The following ARFGAP1 variants were observed in gnomAD, a reference collection of about 807,000 sequenced individuals.
The protein encoded by ARFGAP1 is ADP-ribosylation factor GTPase-activating protein 1.
A neutral mutation model predicts 54.0 loss-of-function variants in ARFGAP1; 26 were observed. The observed-to-expected ratio is 0.48, with a 90% CI of 0.35 to 0.67. The LOEUF is 0.67. Among genes scored for constraint, ARFGAP1 ranks in the 30% least tolerant of loss-of-function variants. The pLI is 0.00. For missense variants in ARFGAP1, 525 were observed against 535.8 expected (o/e 0.98, Z 0.20); for synonymous variants, 248 against 211.9 (o/e 1.17, Z -1.48).
intron 11 of ARFGAP1, chr20:63,286,073 G>A (rs78818145): frequency 0.067 from 103,883 of 1,549,746 alleles, 3,937 homozygotes; most frequent in Middle Eastern, 0.078. Flanking sequence ...GGCGCTCTGC[G>A]GACAGACGGG....
chr20:63,285,444 C>T (rs1011504367), intron 10 of ARFGAP1: 20 of 608,206 alleles, frequency 3.3e-5, no homozygotes, highest in South Asian at 2.0e-4. Context: ...GCAGGGGCCA[C>T]GTTTGCAGAC....
At chr20:63,274,110 T>TC (rs1437465355) in intron 1 of ARFGAP1, 2 of 152,138 alleles carry the variant, frequency 1.3e-5, no homozygotes, top group East Asian at 3.8e-4. Flanking sequence ...TGCCTCATGA[T>TC]CTGTGGTTCC....
At position 63,287,938 on chromosome 20, in the gene ARFGAP1, TTCC is replaced by T. The variant is rs1325482080; in HGVS notation, c.*73_*75del. The stretch of plus-strand genomic sequence containing the variant: ...TCGTGTTTGCACTCTGCCCTCGTCG[TTCC>T]TCCTCCTTCCATTTGACCCAAGAAT... On this transcript the variant is annotated 3_prime_UTR_variant, in exon 13 of 13. Transcript: ENST00000370283. 7.0e-5 allele frequency: 100 copies of T among 1,419,794 alleles called. No individual in the cohort carries two copies. The Admixed American group carries it at 9.6e-4, about 14-fold the overall frequency. The allele number at this position is 1,419,794 out of a possible 1,614,324, so 87.9% of individuals were successfully genotyped here.
At position 63,287,586 on chromosome 20, in the gene ARFGAP1, C is replaced by T; in HGVS notation, c.934C>T (p.Gln312Ter). 1 of 1,595,460 alleles carries T rather than the reference C, an allele frequency of 6.3e-7. No individual in the cohort carries two copies. The highest frequency in any genetic ancestry group is 8.6e-7 in the Non-Finnish European group (1 of 1,167,266). ...LDSPSEGHSYQNSGLDHFQNS... is the reference protein window; with the variant it reads ...LDSPSEGHSY ...AAGCCCCTCGGAGGGCCACAGTTAT[C>T]AGAACAGCGGTCTGGACCACTTCCA... is the stretch of plus-strand genomic sequence containing the variant. The change falls in exon 13 of 13, where the codon CAG becomes TAG. Residue 312 changes from glutamine (Q) to a stop codon, truncating the protein, a stop_gained. Coordinates refer to ENST00000370283, the MANE Select transcript of ARFGAP1 (RefSeq NM_018209.4). LOFTEE classifies it low-confidence loss of function (END_TRUNC).
At chr20:63,282,122 C>T (rs1196653513) in intron 8 of ARFGAP1, among the ~76,000 whole-genome samples, 1 of 151,926 alleles carries the variant, frequency 6.6e-6, no homozygotes, top group Non-Finnish European at 1.5e-5. Flanking sequence ...CTGTCACATG[C>T]CCCTGTGGTC....
At chr20:63,279,066 G>C in intron 7 of ARFGAP1, 71 bp downstream of exon 7, 1 of 1,419,384 alleles carries the variant, frequency 7.0e-7, no homozygotes, top group Non-Finnish European at 9.9e-7. Flanking sequence ...GGCCATAGTG[G>C]GCAGTGTGGC....
At chr20:63,285,606 C>T (rs1007669738) in intron 10 of ARFGAP1, 48 bp from the exon 11 acceptor site, 3 of 1,592,072 alleles carry the variant, frequency 1.9e-6, no homozygotes, top group Non-Finnish European at 2.6e-6. Flanking sequence ...AAGCTTTAAG[C>T]TTTCATCTCT....
At position 63,288,963 on chromosome 20, in the gene ARFGAP1, C is replaced by T. The variant is rs1252361627; in HGVS notation, c.*1090C>T. ...CCTTGGCCATGCTCCCTGGTCACCC[C>T]ACTTCCCGGTCGCCGTCTGCAGCAC... On this transcript the variant is annotated 3_prime_UTR_variant, in exon 13 of 13. Transcript: ENST00000370283. 4 of 196,280 alleles carry T rather than the reference C, an allele frequency of 2.0e-5. No homozygotes were observed. Among genetic ancestry groups the T allele is most frequent in the African/African-American group, 9.1e-5 (4 of 43,930 alleles). The allele number at this position is 196,280 out of a possible 1,614,324, so 12.2% of individuals were successfully genotyped here. A position where few individuals can be genotyped will look rare whatever the true frequency, so the allele number is the denominator to read the frequency against.
chr20:63,284,643 A>G (rs998216795), intron 9 of ARFGAP1: 11 of 1,390,076 alleles, frequency 7.9e-6, no homozygotes, highest in Non-Finnish European at 1.0e-5. Flanking sequence ...ACCTTCCTGC[A>G]AGAATTGGTG....
chr20:63,282,415 C>T (rs2067408982), intron 8 of ARFGAP1, among the ~76,000 whole-genome samples: 1 of 152,248 alleles, frequency 6.6e-6, no homozygotes, highest in Non-Finnish European at 1.5e-5. Context: ...GAGCCGTCCC[C>T]ACAGCAGGGT....
In ARFGAP1 at chr20:63,289,053, A is replaced by C. The variant is rs2067644038; in HGVS notation, c.*1180A>C. ...CCACCCTAGGGACTCAGCCACTTGC[A>C]GAACAGGATGGGACCGAGATTTCAG... On this transcript the variant is annotated 3_prime_UTR_variant, in exon 13 of 13. Transcript: ENST00000370283. 1 of 165,318 alleles carries C rather than the reference A, an allele frequency of 6.0e-6. No homozygotes were observed. 10.2% of individuals were successfully genotyped at this position (165,318 alleles called of 1,614,324 possible).
intron 6 of ARFGAP1, 86 bp from the exon 7 acceptor site, chr20:63,278,813 G>A: frequency 7.4e-7 from 1 of 1,345,960 alleles, no homozygotes; most frequent in South Asian, 1.2e-5. Context: ...CAGAGCCCCA[G>A]CCTTGCCTGT....
chr20:63,286,237 C>T (rs1442217770), intron 11 of ARFGAP1, 129 bp from the exon 12 acceptor site: 1 of 1,549,952 alleles, frequency 6.5e-7, no homozygotes, highest in Non-Finnish European at 8.7e-7. Context: ...GTGCGAGGCA[C>T]CCCTTGTTTC....
rs765976261 is a variant in ARFGAP1 at position 63,287,905 on chromosome 20, G to A, written c.*32G>A. On this transcript the variant is annotated 3_prime_UTR_variant, in exon 13 of 13. Transcript: ENST00000370283. ...CTGCGCCCCCGTCCCCAGCGCCCCC[G>A]GGCGACTTCGTGTTTGCACTCTGCC... 2.0e-5 allele frequency: 30 copies of A among 1,472,560 alleles called. No homozygotes were observed. Among genetic ancestry groups the A allele is most frequent in the South Asian group, 7.9e-5 (6 of 75,862 alleles). The allele number at this position is 1,472,560 out of a possible 1,614,324, so 91.2% of individuals were successfully genotyped here. A position where few individuals can be genotyped will look rare whatever the true frequency, so the allele number is the denominator to read the frequency against.
Position 63,284,621 on chromosome 20 carries a change from C to T in ARFGAP1, c.718-245C>T, listed in dbSNP as rs1470023236. ...CCGCATGGTGGCGCGTGAGGGAGGA[C>T]CCTGGAGGGGGACCTTCCTGCAAGA... On this transcript the variant is annotated intron_variant, in intron 9 of 12. Transcript: ENST00000370283. 63 of 1,368,558 alleles carry T rather than the reference C, an allele frequency of 4.6e-5. 3 individuals are homozygous for T. The South Asian group carries it at 9.1e-4, about 20-fold the overall frequency. 84.8% of individuals were successfully genotyped at this position (1,368,558 alleles called of 1,614,324 possible).
At chr20:63,273,805 C>G (rs1270100543) in intron 1 of ARFGAP1, among the ~76,000 whole-genome samples, 3 of 152,200 alleles carry the variant, frequency 2.0e-5, no homozygotes, top group African/African-American at 7.2e-5. Flanking sequence ...GTATGGCGAC[C>G]AGGATTGGTC....
In ARFGAP1 at chr20:63,289,009, T is replaced by G; in HGVS notation, c.*1136T>G. On this transcript the variant is annotated 3_prime_UTR_variant, in exon 13 of 13. Transcript: ENST00000370283. ...AGCACTCCTGGAGCAGCCTGGGCCC[T>G]TCAGCCCCTGTGCTCGTCCCACCCT... The G allele has an allele frequency of 5.4e-6, 1 of 184,866 alleles. No homozygotes were observed. Among genetic ancestry groups the G allele is most frequent in the Non-Finnish European group, 1.2e-5 (1 of 86,194 alleles). The allele number at this position is 184,866 out of a possible 1,614,324, so 11.5% of individuals were successfully genotyped here.
intron 7 of ARFGAP1, among the ~76,000 whole-genome samples, chr20:63,280,272 T>A (rs117436627): frequency 1.2e-3 from 177 of 152,362 alleles, no homozygotes; most frequent in Non-Finnish European, 2.0e-3. Flanking sequence ...TTTTGTTTTT[T>A]GTTTTTTTGT....
At chr20:63,275,500 T>G in intron 1 of ARFGAP1, 77 bp from the exon 2 acceptor site, 1 of 1,422,090 alleles carries the variant, frequency 7.0e-7, no homozygotes, top group South Asian at 1.2e-5. Context: ...TGTGTGGTGT[T>G]TTTGGACAGA....
Sources: allele counts gnomAD v4.1 joint callset (sites outside exome capture counted in the v4.1 genomes callset), GRCh38; gene constraint gnomAD v4.1.1; transcripts MANE v1.5; gene names NCBI Gene and HGNC (gene_info 2026-07-23, HGNC 2026-07-21).